MTHFD1L: variants seen among roughly 807,000 people sequenced by gnomAD.
MTHFD1L encodes the protein methylenetetrahydrofolate dehydrogenase (NADP+ dependent) 1 like.
In MTHFD1L, 81 loss-of-function variants were observed where a neutral mutation model predicts 119.5. That is an observed-to-expected ratio of 0.68 (90% CI 0.57 to 0.82). The LOEUF is 0.82. Among genes scored for constraint, MTHFD1L ranks in the 40% least tolerant of loss-of-function variants. The pLI is 0.00. For missense variants in MTHFD1L, 1,125 were observed against 1,253.4 expected (o/e 0.90, Z 1.55); for synonymous variants, 430 against 475.2 (o/e 0.90, Z 1.24).
intron 26 of MTHFD1L, chr6:151,041,755 C>G (rs776795687): frequency 2.2e-6 from 1 of 448,802 alleles, no homozygotes; most frequent in South Asian, 1.5e-5. Context: ...GGCAGAAAGC[C>G]CCTCTTGTTG....
intron 15 of MTHFD1L, among the ~76,000 whole-genome samples, chr6:150,947,607 ATT>A (rs59115308): frequency 6.7e-6 from 1 of 150,006 alleles, no homozygotes; most frequent in African/African-American, 2.5e-5. Context: ...AAAAGTTTTA[ATT>A]TTTTTTTTTC....
chr6:151,091,465 G>T (rs1282940861), intron 26 of MTHFD1L, among the ~76,000 whole-genome samples: 4 of 152,136 alleles, frequency 2.6e-5, no homozygotes, highest in African/African-American at 9.7e-5. Context: ...CACACAGGGG[G>T]CTTCTGATGC....
Position 151,090,814 on chromosome 6 carries a change from T to A in MTHFD1L, c.2848-1653T>A, listed in dbSNP as rs142560093. ...GAGAGCAGGCACAGTAGAACCTGAA[T>A]GTCTCCTCCAAGCGACTGGGTGCAG... On this transcript the variant is annotated intron_variant, in intron 26 of 27. Transcript: ENST00000367321. Among the ~76,000 whole-genome samples, 277 of 151,940 alleles carry A rather than the reference T, an allele frequency of 1.8e-3. 2 individuals are homozygous for A. The highest frequency in any genetic ancestry group is 6.5e-3 in the African/African-American group (267 of 41,210).
intron 21 of MTHFD1L, among the ~76,000 whole-genome samples, chr6:151,012,019 C>CAAAAAAAAAAAAAAAAAAAAAA (rs1043831602): frequency 1.7e-5 from 1 of 58,826 alleles, no homozygotes; most frequent in African/African-American, 5.8e-5. Context: ...ACAACAACAA[C>CAAAAAAAAAAAAAAAAAAAAAA]AAAAAAAAAA....
At chr6:151,037,312 T>C (rs535759608) in intron 26 of MTHFD1L, among the ~76,000 whole-genome samples, 195 bp downstream of exon 26, 2 of 152,346 alleles carry the variant, frequency 1.3e-5, no homozygotes, top group Admixed American at 1.3e-4. Flanking sequence ...TTTCTTTTTT[T>C]AGATCATGTG....
chr6:151,037,242 A>G (rs1786321819), intron 26 of MTHFD1L, 125 bp downstream of exon 26: 6 of 1,023,082 alleles, frequency 5.9e-6, no homozygotes, highest in East Asian at 2.4e-5. Flanking sequence ...TTAATAGTAC[A>G]GTATTCGCTA....
rs149863524 is a variant in MTHFD1L, at chr6:150,991,155, C to T, written c.2126-18664C>T. Among the ~76,000 whole-genome samples the T allele has an allele frequency of 6.2e-4, 94 of 152,160 alleles. 1 individual carries two copies. The highest frequency in any genetic ancestry group is 2.1e-3 in the African/African-American group (88 of 41,506). Reference sequence around the variant, plus strand: ...TACAGGCATGAGCTGCCATGCCCTGCCAAAATATAAACCATAGAGCTTTGT... The same window carrying T: ...TACAGGCATGAGCTGCCATGCCCTGTCAAAATATAAACCATAGAGCTTTGT... On this transcript the variant is annotated intron_variant, in intron 20 of 27. Transcript: ENST00000367321.
chr6:150,902,882 C>T (rs1462245458), intron 7 of MTHFD1L, among the ~76,000 whole-genome samples: 1 of 152,164 alleles, frequency 6.6e-6, no homozygotes, highest in Non-Finnish European at 1.5e-5. Context: ...TATTAACCTC[C>T]TTTTTACAGT....
At chr6:150,896,647 G>C (rs1562336868) in intron 7 of MTHFD1L, among the ~76,000 whole-genome samples, 1 of 152,118 alleles carries the variant, frequency 6.6e-6, no homozygotes, top group Non-Finnish European at 1.5e-5. Context: ...TTCCCCTCTT[G>C]CTTCTGTCTG....
chr6:150,925,822 G>A (rs959450672), intron 10 of MTHFD1L, among the ~76,000 whole-genome samples: 1 of 151,982 alleles, frequency 6.6e-6, no homozygotes, highest in African/African-American at 2.4e-5. Flanking sequence ...CACACTTGCA[G>A]GAGGGTTTTG....
At chr6:150,936,696 G>T in intron 11 of MTHFD1L, 108 bp from the exon 12 acceptor site, 1 of 1,292,266 alleles carries the variant, frequency 7.7e-7, no homozygotes, top group Non-Finnish European at 1.1e-6. Context: ...AAATTATGGA[G>T]TGCATTTTGA....
chr6:150,899,853 T>A (rs1784832573), intron 7 of MTHFD1L, among the ~76,000 whole-genome samples: 1 of 151,818 alleles, frequency 6.6e-6, no homozygotes, highest in African/African-American at 2.4e-5. Flanking sequence ...GCGCCTGTAA[T>A]CCTAGCTACT....
At chr6:150,899,033 T>C in intron 7 of MTHFD1L, 1 of 996,018 alleles carries the variant, frequency 1.0e-6, no homozygotes, top group Non-Finnish European at 1.2e-6. Context: ...TCATCTGTCA[T>C]GACTTTTTTA....
At chr6:150,986,105 G>A (rs1478523575) in intron 20 of MTHFD1L, among the ~76,000 whole-genome samples, 3 of 152,188 alleles carry the variant, frequency 2.0e-5, no homozygotes, top group Non-Finnish European at 2.9e-5. Context: ...TTGAAAAATG[G>A]AGTAGCTAAG....
intron 9 of MTHFD1L, 74 bp downstream of exon 9, chr6:150,918,742 G>C: frequency 2.4e-6 from 3 of 1,255,170 alleles, no homozygotes; most frequent in South Asian, 2.4e-5. Context: ...TTTGCAAGTG[G>C]TTTCTGTTTA....
intron 16 of MTHFD1L, among the ~76,000 whole-genome samples, chr6:150,951,660 C>T (rs11155762): frequency 0.3 from 45,640 of 152,094 alleles, 7,476 homozygotes; most frequent in East Asian, 0.47. Context: ...AAAACACCAA[C>T]AGCATTTTAA....
At chr6:151,042,343 G>A (rs1787260533) in intron 26 of MTHFD1L, among the ~76,000 whole-genome samples, 2 of 152,092 alleles carry the variant, frequency 1.3e-5, no homozygotes, top group East Asian at 1.9e-4. Flanking sequence ...ATTCTTGAAC[G>A]ACATAATACC....
In MTHFD1L at chr6:150,917,248, G is replaced by C. The variant is rs759024926; in HGVS notation, c.893-1329G>C. On this transcript the variant is annotated intron_variant, in intron 8 of 27. Coordinates refer to ENST00000367321, the MANE Select transcript of MTHFD1L (RefSeq NM_015440.5). ...AAGATTTTAGAGCTTTCTAGGCCAG[G>C]CATGGTGGCTCGCACCTATAACCCC... Among the ~76,000 whole-genome samples the C allele has an allele frequency of 5.3e-5, 8 of 152,152 alleles. No individual in the cohort carries two copies. The South Asian group carries it at 6.2e-4, about 12-fold the overall frequency.
At chr6:151,028,776 G>A (rs1287809722) in intron 24 of MTHFD1L, among the ~76,000 whole-genome samples, 1 of 152,146 alleles carries the variant, frequency 6.6e-6, no homozygotes, top group African/African-American at 2.4e-5. Flanking sequence ...ACTTAGAAAT[G>A]GTTAAAATGG....
Sources: allele counts gnomAD v4.1 joint callset (sites outside exome capture counted in the v4.1 genomes callset), GRCh38; gene constraint gnomAD v4.1.1; transcripts MANE v1.5; gene names NCBI Gene and HGNC (gene_info 2026-07-23, HGNC 2026-07-21).